SORCS1: variants seen among roughly 807,000 people sequenced by gnomAD.
SORCS1 encodes the protein VPS10 domain-containing receptor SorCS1.
SORCS1 carries 60 observed loss-of-function variants against 146.1 expected under a neutral mutation model. The observed-to-expected ratio is 0.41, with a 90% CI of 0.33 to 0.51. SORCS1 has a LOEUF of 0.51. SORCS1 is among the 20% of genes least tolerant of loss of function. The pLI, the probability that SORCS1 is intolerant of heterozygous loss-of-function variation, is 0.21. For missense variants in SORCS1, 1,352 were observed against 1,487.6 expected (o/e 0.91, Z 1.50); for synonymous variants, 637 against 584.0 (o/e 1.09, Z -1.31).
chr10:107,136,363 C>T (rs556884700), intron 1 of SORCS1, among the ~76,000 whole-genome samples: 48 of 152,256 alleles, frequency 3.2e-4, no homozygotes, highest in African/African-American at 1.1e-3. Flanking sequence ...AACAATAAGT[C>T]TTTACTTTCC....
chr10:106,865,478 C>T (rs1455206903), intron 2 of SORCS1, among the ~76,000 whole-genome samples: 2 of 152,080 alleles, frequency 1.3e-5, no homozygotes, highest in East Asian at 3.9e-4. Flanking sequence ...AATCCTAGCA[C>T]TTTGGGAGGC....
chr10:107,100,898 A>G (rs767111581), intron 1 of SORCS1, among the ~76,000 whole-genome samples: 1 of 152,200 alleles, frequency 6.6e-6, no homozygotes, highest in Non-Finnish European at 1.5e-5. Flanking sequence ...GTATTTTTAA[A>G]AATATTTTTC....
intron 3 of SORCS1, among the ~76,000 whole-genome samples, chr10:106,788,127 G>A (rs1479903528): frequency 6.6e-6 from 1 of 150,568 alleles, no homozygotes; most frequent in Non-Finnish European, 1.5e-5. Flanking sequence ...TAATCAAACA[G>A]TTATAAAACC....
At chr10:106,631,406 C>T (rs1270821248) in intron 18 of SORCS1, among the ~76,000 whole-genome samples, 3 of 152,234 alleles carry the variant, frequency 2.0e-5, no homozygotes, top group African/African-American at 7.2e-5. Context: ...GACTGATCAA[C>T]TTCTCATTCT....
At chr10:106,669,271 G>A (rs924927587) in intron 16 of SORCS1, among the ~76,000 whole-genome samples, 1 of 149,778 alleles carries the variant, frequency 6.7e-6, no homozygotes, top group African/African-American at 2.5e-5. Flanking sequence ...AACAACAAAA[G>A]ACTGGCTTAC....
At chr10:106,886,520 A>G (rs1951011268) in intron 2 of SORCS1, among the ~76,000 whole-genome samples, 1 of 152,200 alleles carries the variant, frequency 6.6e-6, no homozygotes, top group African/African-American at 2.4e-5. Context: ...AAGATTATAG[A>G]GGAGGCTGTC....
intron 3 of SORCS1, among the ~76,000 whole-genome samples, chr10:106,796,492 C>T (rs538249105): frequency 6.6e-6 from 1 of 152,120 alleles, no homozygotes; most frequent in South Asian, 2.1e-4. Context: ...AGTCCCATCC[C>T]GGCAAGACTC....
chr10:107,086,588 A>G (rs1963780844), intron 1 of SORCS1, among the ~76,000 whole-genome samples: 1 of 152,240 alleles, frequency 6.6e-6, no homozygotes, highest in Non-Finnish European at 1.5e-5. Flanking sequence ...GCACATCTGA[A>G]TTATCTCTTG....
At chr10:107,051,186 T>C (rs1960075587) in intron 1 of SORCS1, among the ~76,000 whole-genome samples, 1 of 152,018 alleles carries the variant, frequency 6.6e-6, no homozygotes, top group South Asian at 2.1e-4. Context: ...ATAGAAACAA[T>C]AAATGAGAAC....
At chr10:106,601,422 T>A (rs1370363286) in intron 23 of SORCS1, among the ~76,000 whole-genome samples, 1 of 152,212 alleles carries the variant, frequency 6.6e-6, no homozygotes, top group South Asian at 2.1e-4. Flanking sequence ...GCCTATTTGG[T>A]GGAATATGCC....
chr10:106,731,724 C>A (rs532799516), intron 5 of SORCS1, among the ~76,000 whole-genome samples: 11 of 152,110 alleles, frequency 7.2e-5, no homozygotes, highest in Non-Finnish European at 4.4e-5. Context: ...ACACACACAA[C>A]ACACAAATAC....
At chr10:106,921,532 C>A (rs546927802) in intron 2 of SORCS1, among the ~76,000 whole-genome samples, 1 of 152,250 alleles carries the variant, frequency 6.6e-6, no homozygotes, top group Admixed American at 6.5e-5. Context: ...GAGCGCAAAT[C>A]GTATTAAACA....
intron 3 of SORCS1, among the ~76,000 whole-genome samples, chr10:106,793,200 A>G (rs1385470010): frequency 6.6e-6 from 1 of 152,254 alleles, no homozygotes; most frequent in Non-Finnish European, 1.5e-5. Context: ...TGCTGGAATA[A>G]GAGATGTAAC....
chr10:106,577,607 G>T, intron 25 of SORCS1, 52 bp from the exon 26 acceptor site: 1 of 1,607,216 alleles, frequency 6.2e-7, no homozygotes, highest in Non-Finnish European at 8.5e-7. Flanking sequence ...GAAAGGGAAA[G>T]GTGTCAGAGA....
intron 10 of SORCS1, among the ~76,000 whole-genome samples, chr10:106,682,349 C>T (rs1377748127): frequency 6.6e-6 from 1 of 152,150 alleles, no homozygotes; most frequent in Non-Finnish European, 1.5e-5. Flanking sequence ...TTTCTCCACT[C>T]TCACATTTGT....
At chr10:107,111,063 A>G (rs958418776) in intron 1 of SORCS1, among the ~76,000 whole-genome samples, 1 of 152,196 alleles carries the variant, frequency 6.6e-6, no homozygotes, top group African/African-American at 2.4e-5. Context: ...CAGAGTCTCA[A>G]CATGAGGAGG....
intron 24 of SORCS1, among the ~76,000 whole-genome samples, chr10:106,594,333 C>T (rs2133294513): frequency 6.6e-6 from 1 of 152,282 alleles, no homozygotes. Flanking sequence ...TAAATTCACA[C>T]ATAACAATTA....
At chr10:106,921,119 T>C (rs1952689951) in intron 2 of SORCS1, among the ~76,000 whole-genome samples, 1 of 152,160 alleles carries the variant, frequency 6.6e-6, no homozygotes, top group Non-Finnish European at 1.5e-5. Flanking sequence ...CTACAAACCA[T>C]TTTGATTATC....
At chr10:106,693,985 C>CA (rs915544156) in intron 9 of SORCS1, among the ~76,000 whole-genome samples, 17 of 149,202 alleles carry the variant, frequency 1.1e-4, no homozygotes, top group East Asian at 8.3e-4. Context: ...GCCAAAATTT[C>CA]AAAAAAAAAT....
Sources: gnomAD v4.1 joint callset for allele counts (sites outside exome capture counted in the v4.1 genomes callset) on GRCh38, gnomAD v4.1.1 for gene constraint, MANE v1.5 for transcripts, NCBI Gene and HGNC (gene_info 2026-07-23, HGNC 2026-07-21) for gene names.